The following COL22A1 variants were observed in gnomAD, a reference collection of about 807,000 sequenced individuals.
The protein encoded by COL22A1 is collagen alpha-1(XXII) chain.
In COL22A1, 221 loss-of-function variants were observed where a neutral mutation model predicts 248.9. The ratio of observed to expected loss-of-function variants is 0.89; its 90% CI spans 0.80 to 0.99. The LOEUF (loss-of-function observed/expected upper bound fraction) is 0.99, where lower values mean the gene tolerates loss of function less well. Among genes scored for constraint, COL22A1 ranks in the 50% least tolerant of loss-of-function variants. The probability of loss-of-function intolerance (pLI) is 0.00; values close to 1 mark genes in which losing one functional copy is unlikely to be tolerated. For missense variants in COL22A1, 2,240 were observed against 2,179.0 expected (o/e 1.03, Z -0.56); for synonymous variants, 891 against 793.4 (o/e 1.12, Z -2.07).
chr8:138,646,741 A>C, intron 46 of COL22A1, 59 bp from the exon 47 acceptor site: 2 of 1,279,162 alleles, frequency 1.6e-6, no homozygotes, highest in Non-Finnish European at 2.2e-6. Context: ...GCCCACATCC[A>C]GGGTCATCAC....
intron 1 of COL22A1, among the ~76,000 whole-genome samples, chr8:138,883,844 C>T (rs940862306): frequency 2.0e-5 from 3 of 152,142 alleles, no homozygotes; most frequent in African/African-American, 7.2e-5. Context: ...TTATAAATTA[C>T]CATCTTGGGC....
chr8:138,816,131 G>A (rs1268988894), intron 7 of COL22A1, among the ~76,000 whole-genome samples: 1 of 152,214 alleles, frequency 6.6e-6, no homozygotes, highest in African/African-American at 2.4e-5. Flanking sequence ...ACTCGCAGCA[G>A]CTGGGACTGC....
chr8:138,908,738 G>T (rs928367507), intron 1 of COL22A1, among the ~76,000 whole-genome samples: 12 of 152,068 alleles, frequency 7.9e-5, no homozygotes, highest in Non-Finnish European at 1.5e-4. Flanking sequence ...GGGGTCAGGG[G>T]GCATATTATT....
Position 138,752,852 on chromosome 8 carries a change from A to G in COL22A1, c.2032-1341T>C, listed in dbSNP as rs144513215. On this transcript the variant is annotated intron_variant, in intron 21 of 64. Coordinates refer to ENST00000303045, the MANE Select transcript of COL22A1 (RefSeq NM_152888.3). Reference sequence around the variant, plus strand: ...TCAACCCAATGAATATTTAGAAAGTAACTGCTCTGCAGAAGGCCCCGAGCT... The same window carrying G: ...TCAACCCAATGAATATTTAGAAAGTGACTGCTCTGCAGAAGGCCCCGAGCT... Among the ~76,000 whole-genome samples the G allele has an allele frequency of 2.8e-4, 43 of 152,346 alleles. No individual in the cohort carries two copies. In the East Asian group the frequency reaches 8.1e-3, roughly 29 times the overall value.
At chr8:138,625,322 G>A (rs573870916) in intron 51 of COL22A1, among the ~76,000 whole-genome samples, 1 of 151,762 alleles carries the variant, frequency 6.6e-6, no homozygotes, top group East Asian at 1.9e-4. Flanking sequence ...TGCATTCTGG[G>A]AATCAAAAAA....
intron 22 of COL22A1, among the ~76,000 whole-genome samples, chr8:138,751,209 C>A (rs1190631719): frequency 6.6e-6 from 1 of 152,188 alleles, no homozygotes; most frequent in Admixed American, 6.5e-5. Flanking sequence ...CCAATGGATT[C>A]ATGTCTCTCT....
rs189844800 is a variant in COL22A1 at position 138,883,307 on chromosome 8, C to G, written c.-72-63G>C. On this transcript the variant is annotated intron_variant, in intron 1 of 64. Transcript: ENST00000303045. ...GCTGAAAGTCTGTGAGAGGCAAACT[C>G]TGGGCCCTGCCCAGGGGGATTCCCT... 4.3e-5 allele frequency: 38 copies of G among 888,210 alleles called. No individual in the cohort carries two copies. The African/African-American group carries it at 5.8e-4, about 14-fold the overall frequency. 55.0% of individuals were successfully genotyped at this position (888,210 alleles called of 1,614,324 possible).
At position 138,679,640 on chromosome 8, in the gene COL22A1, C is replaced by T; in HGVS notation, c.3049G>A (p.Ala1017Thr). ...ACCTTAACACATTGCCCTCCCAGTGCACAGTTTTCTGACCCTCTGACTTTT... is the reference window on the plus strand; with the variant it reads ...ACCTTAACACATTGCCCTCCCAGTGTACAGTTTTCTGACCCTCTGACTTTT... ...CGKVRGSENC[A>T]LGGQCVKGDR... Residue 1017 changes from alanine (A) to threonine (T), a missense_variant, in exon 40 of 65, where the codon GCA (alanine) becomes ACA (threonine). Coordinates refer to ENST00000303045, the MANE Select transcript of COL22A1 (RefSeq NM_152888.3). The T allele has an allele frequency of 1.9e-6, 3 of 1,612,958 alleles. No homozygotes were observed. Among genetic ancestry groups the T allele is most frequent in the Non-Finnish European group, 2.5e-6 (3 of 1,179,440 alleles).
intron 23 of COL22A1, among the ~76,000 whole-genome samples, chr8:138,734,200 G>A (rs749368665): frequency 1.2e-4 from 18 of 152,134 alleles, no homozygotes; most frequent in Non-Finnish European, 2.2e-4. Context: ...AATGACAGTC[G>A]TCTTCTGATC....
At chr8:138,863,649 C>T (rs959465607) in intron 3 of COL22A1, among the ~76,000 whole-genome samples, 1 of 152,132 alleles carries the variant, frequency 6.6e-6, no homozygotes, top group African/African-American at 2.4e-5. Flanking sequence ...GAAGTGGGTG[C>T]GGGGAGCCTG....
chr8:138,734,185 T>A (rs1049320410), intron 23 of COL22A1, among the ~76,000 whole-genome samples: 1 of 152,148 alleles, frequency 6.6e-6, no homozygotes, highest in Admixed American at 6.5e-5. Context: ...AGCAAAACTG[T>A]CTTCAATGAC....
intron 42 of COL22A1, among the ~76,000 whole-genome samples, chr8:138,662,434 G>C (rs1165900556): frequency 1.3e-5 from 2 of 152,110 alleles, no homozygotes; most frequent in Non-Finnish European, 2.9e-5. Context: ...TGGATAACCA[G>C]CCCCGAGAGC....
chr8:138,780,525 G>A (rs1011068827), intron 13 of COL22A1, among the ~76,000 whole-genome samples: 6 of 152,252 alleles, frequency 3.9e-5, no homozygotes, highest in African/African-American at 9.6e-5. Flanking sequence ...GGTAATGATC[G>A]GAGGAAAGCT....
chr8:138,593,898 T>C, intron 63 of COL22A1, 119 bp downstream of exon 63: 1 of 748,700 alleles, frequency 1.3e-6, no homozygotes, highest in Non-Finnish European at 2.0e-6. Context: ...CTCTGGGTGT[T>C]ACCAAGCTAC....
chr8:138,802,987 C>T, intron 10 of COL22A1, 53 bp from the exon 11 acceptor site: 1 of 1,406,838 alleles, frequency 7.1e-7, no homozygotes, highest in Admixed American at 1.7e-5. Context: ...CGACAGGGCT[C>T]TTGCACACAC....
intron 23 of COL22A1, among the ~76,000 whole-genome samples, chr8:138,727,475 A>T (rs1830401687): frequency 6.6e-6 from 1 of 152,170 alleles, no homozygotes; most frequent in South Asian, 2.1e-4. Flanking sequence ...GCGCTCAGTA[A>T]ATGCTTGAGG....
intron 37 of COL22A1, among the ~76,000 whole-genome samples, chr8:138,687,713 G>A (rs546996062): frequency 4.6e-5 from 7 of 152,256 alleles, no homozygotes; most frequent in South Asian, 2.1e-4. Flanking sequence ...TGATCAATGC[G>A]GCATCACCCT....
intron 40 of COL22A1, among the ~76,000 whole-genome samples, chr8:138,677,760 C>T (rs1825679398): frequency 6.6e-6 from 1 of 152,124 alleles, no homozygotes; most frequent in South Asian, 2.1e-4. Context: ...TGAATTTGGC[C>T]CAAAACAGAC....
At chr8:138,659,328 G>C (rs902636445) in intron 44 of COL22A1, among the ~76,000 whole-genome samples, 8 of 152,262 alleles carry the variant, frequency 5.3e-5, no homozygotes, top group African/African-American at 1.9e-4. Flanking sequence ...TAAGGGATGG[G>C]GGGTCATCCA....
Sources: gnomAD v4.1 joint callset for allele counts (sites outside exome capture counted in the v4.1 genomes callset) on GRCh38, gnomAD v4.1.1 for gene constraint, MANE v1.5 for transcripts, NCBI Gene and HGNC (gene_info 2026-07-23, HGNC 2026-07-21) for gene names.